The following SOCS5 variants were observed in gnomAD, a reference collection of about 807,000 sequenced individuals.
SOCS5 encodes the protein CIS-6.
Under a neutral mutation model 42.8 loss-of-function variants are expected in SOCS5, and 32 were observed. That is an observed-to-expected ratio of 0.75 (90% confidence interval 0.56 to 1.01). The LOEUF (loss-of-function observed/expected upper bound fraction) is 1.01. SOCS5 is among the 50% of genes least tolerant of loss of function. The pLI is 0.00. For synonymous variants in SOCS5, 283 were observed against 229.6 expected (o/e 1.23, Z -2.10); for missense variants, 627 against 653.0 (o/e 0.96, Z 0.43).
At chr2:46,756,142 G>C (rs1434893583) in intron 1 of SOCS5, among the ~76,000 whole-genome samples, 1 of 152,168 alleles carries the variant, frequency 6.6e-6, no homozygotes, top group Non-Finnish European at 1.5e-5. Flanking sequence ...TATATAAGGA[G>C]ATGAGTGGTT....
chr2:46,760,840 C>G lies in SOCS5; in HGVS notation c.*699C>G, dbSNP rs11682181. On this transcript the variant is annotated 3_prime_UTR_variant, in exon 2 of 2. Transcript: ENST00000394861. ...TTAATTTTTTAAATGAGTGCTTTAA[C>G]TTAAAACAGGCGTTTGGAATAGCTG... is the stretch of plus-strand genomic sequence containing the variant. The G allele has an allele frequency of 6.0e-6, 1 of 167,032 alleles. No homozygotes were observed. Among genetic ancestry groups the G allele is most frequent in the African/African-American group, 2.4e-5 (1 of 41,442 alleles). 10.3% of individuals were successfully genotyped at this position (167,032 alleles called of 1,614,324 possible). A position where few individuals can be genotyped will look rare whatever the true frequency, so the allele number is the denominator to read the frequency against.
intron 1 of SOCS5, among the ~76,000 whole-genome samples, chr2:46,735,357 G>A (rs1409156016): frequency 6.6e-6 from 1 of 152,036 alleles, no homozygotes; most frequent in Non-Finnish European, 1.5e-5. Flanking sequence ...TCTTTAAAAA[G>A]CTTCCCTAAA....
chr2:46,715,821 G>A (rs778282000), intron 1 of SOCS5, among the ~76,000 whole-genome samples: 15 of 152,068 alleles, frequency 9.9e-5, no homozygotes, highest in African/African-American at 1.7e-4. Context: ...ATCTGTGGGT[G>A]TATTGTATTC....
intron 1 of SOCS5, among the ~76,000 whole-genome samples, chr2:46,755,770 T>C (rs1373261723): frequency 6.6e-6 from 1 of 152,182 alleles, no homozygotes; most frequent in East Asian, 1.9e-4. Flanking sequence ...CTTAAAAACA[T>C]TTCTAAAAAT....
intron 1 of SOCS5, among the ~76,000 whole-genome samples, chr2:46,749,451 A>C (rs926158411): frequency 1.2e-4 from 18 of 152,180 alleles, no homozygotes; most frequent in Non-Finnish European, 1.8e-4. Flanking sequence ...TCTAAGGCTT[A>C]TGTTGTTTGT....
At chr2:46,746,745 G>A (rs192373374) in intron 1 of SOCS5, among the ~76,000 whole-genome samples, 5 of 151,780 alleles carry the variant, frequency 3.3e-5, no homozygotes, top group Admixed American at 1.3e-4. Context: ...TTGTTAGTAC[G>A]GTATATAGTT....
At chr2:46,712,656 A>C (rs1262648901) in intron 1 of SOCS5, among the ~76,000 whole-genome samples, 1 of 152,140 alleles carries the variant, frequency 6.6e-6, no homozygotes, top group South Asian at 2.1e-4. Flanking sequence ...CAGCTTTCTT[A>C]AAAAATGAGT....
chr2:46,734,067 T>A (rs1386152616), intron 1 of SOCS5, among the ~76,000 whole-genome samples: 5 of 152,232 alleles, frequency 3.3e-5, no homozygotes, highest in Non-Finnish European at 1.5e-5. Flanking sequence ...TTTGACACTT[T>A]GGACAGTATA....
At chr2:46,758,044 C>A (rs561589864) in intron 1 of SOCS5, among the ~76,000 whole-genome samples, 1 of 152,178 alleles carries the variant, frequency 6.6e-6, no homozygotes, top group East Asian at 1.9e-4. Flanking sequence ...TTGCAAGGAA[C>A]CAGTTAAGTA....
intron 1 of SOCS5, among the ~76,000 whole-genome samples, chr2:46,750,423 T>G (rs1298295999): frequency 6.6e-6 from 1 of 152,160 alleles, no homozygotes; most frequent in Non-Finnish European, 1.5e-5. Flanking sequence ...TTGCAGGGAC[T>G]GTATCACACA....
At chr2:46,756,348 G>A (rs1198776252) in intron 1 of SOCS5, among the ~76,000 whole-genome samples, 1 of 152,156 alleles carries the variant, frequency 6.6e-6, no homozygotes, top group East Asian at 1.9e-4. Flanking sequence ...AACTTTTTCT[G>A]AAAGGGGCTA....
intron 1 of SOCS5, among the ~76,000 whole-genome samples, chr2:46,735,244 G>A (rs949179136): frequency 2.6e-5 from 4 of 152,172 alleles, no homozygotes; most frequent in Non-Finnish European, 5.9e-5. Flanking sequence ...GGCTTTGGAA[G>A]CTCTCAGATT....
upstream of SOCS5, chr2:46,699,234 G>A (rs1050017932): frequency 2.6e-5 from 4 of 152,302 alleles, no homozygotes; most frequent in Non-Finnish European, 4.4e-5. This position sits in a 1 kb window ranked among gnomAD's most constrained non-coding sequence, Gnocchi z 4.8. Context: ...AAGGGGAGGC[G>A]GCAGGGAAGG....
intron 1 of SOCS5, among the ~76,000 whole-genome samples, chr2:46,745,577 A>G (rs1391410792): frequency 2.6e-5 from 4 of 152,144 alleles, no homozygotes; most frequent in African/African-American, 9.7e-5. Flanking sequence ...AAATAACTGG[A>G]TTCCATTTGT....
At chr2:46,754,368 T>TA (rs1391093335) in intron 1 of SOCS5, among the ~76,000 whole-genome samples, 1 of 152,210 alleles carries the variant, frequency 6.6e-6, no homozygotes, top group African/African-American at 2.4e-5. Flanking sequence ...GGCCTCTACC[T>TA]AATTCAGCAG....
intron 1 of SOCS5, among the ~76,000 whole-genome samples, chr2:46,740,464 A>G (rs999593199): frequency 6.6e-6 from 1 of 152,238 alleles, no homozygotes; most frequent in Admixed American, 6.5e-5. Flanking sequence ...CATGATGTGT[A>G]TCATAAAACT....
chr2:46,723,637 C>T (rs926246214), intron 1 of SOCS5, among the ~76,000 whole-genome samples: 1 of 152,180 alleles, frequency 6.6e-6, no homozygotes, highest in East Asian at 1.9e-4. Context: ...TTTCGTGTAT[C>T]TGTCCTTTCC....
At chr2:46,732,228 T>C (rs1043523593) in intron 1 of SOCS5, among the ~76,000 whole-genome samples, 10 of 152,216 alleles carry the variant, frequency 6.6e-5, no homozygotes, top group Admixed American at 1.3e-4. Flanking sequence ...AACATTATAG[T>C]AGAACTGACT....
chr2:46,761,136 G>A lies in SOCS5; in HGVS notation c.*995G>A, dbSNP rs1058157. 0.28 allele frequency: 46,248 copies of A among 166,976 alleles called. 7,280 individuals are homozygous for A. Among genetic ancestry groups the A allele is most frequent in the Non-Finnish European group, 0.36 (24,424 of 68,038 alleles). 10.3% of individuals were successfully genotyped at this position (166,976 alleles called of 1,614,324 possible). A position where few individuals can be genotyped will look rare whatever the true frequency, so the allele number is the denominator to read the frequency against. On this transcript the variant is annotated 3_prime_UTR_variant, in exon 2 of 2. Transcript: ENST00000394861. The stretch of plus-strand genomic sequence containing the variant: ...CTGAATTGCTTAAGTATAATTTATA[G>A]AATTTCAGTGCAGTTCATTCTTAAT...
Sources: allele counts gnomAD v4.1 joint callset (sites outside exome capture counted in the v4.1 genomes callset), GRCh38; gene constraint gnomAD v4.1.1; non-coding constraint Gnocchi (gnomAD v3.1); transcripts MANE v1.5; gene names NCBI Gene and HGNC (gene_info 2026-07-23, HGNC 2026-07-21).